The following NYAP2 variants were observed in gnomAD, a reference collection of about 807,000 sequenced individuals.
The protein encoded by NYAP2 is neuronal tyrosine-phosphorylated phosphoinositide-3-kinase adaptor 2.
In NYAP2, 23 loss-of-function variants were observed where a neutral mutation model predicts 50.4. The ratio of observed to expected loss-of-function variants is 0.46; its 90% CI spans 0.33 to 0.65. The LOEUF is 0.65. Among genes scored for constraint, NYAP2 ranks in the 30% least tolerant of loss-of-function variants. The pLI is 0.02. For missense variants in NYAP2, 885 were observed against 861.0 expected (o/e 1.03, Z -0.35); for synonymous variants, 394 against 365.2 (o/e 1.08, Z -0.90).
At chr2:225,444,701 A>G (rs545463412) in intron 3 of NYAP2, among the ~76,000 whole-genome samples, 2 of 152,236 alleles carry the variant, frequency 1.3e-5, no homozygotes, top group Admixed American at 1.3e-4. Context: ...CACTGAAGTC[A>G]TCATTGGCCA....
At chr2:225,645,154 A>C (rs1006091450) in intron 6 of NYAP2, among the ~76,000 whole-genome samples, 2 of 151,652 alleles carry the variant, frequency 1.3e-5, no homozygotes, top group African/African-American at 4.8e-5. Flanking sequence ...GCTACTCTGA[A>C]TGCTGAGGCA....
intron 6 of NYAP2, among the ~76,000 whole-genome samples, chr2:225,627,792 A>G (rs10180121): frequency 1.3e-4 from 20 of 152,346 alleles, no homozygotes; most frequent in Admixed American, 4.6e-4. Flanking sequence ...AAAACAGCAT[A>G]TGTTTGCTTT....
chr2:225,538,297 G>A (rs1399817653), intron 4 of NYAP2, among the ~76,000 whole-genome samples: 1 of 152,178 alleles, frequency 6.6e-6, no homozygotes, highest in African/African-American at 2.4e-5. Context: ...TCCTAGCAGA[G>A]GTTCTCCATG....
intron 4 of NYAP2, among the ~76,000 whole-genome samples, chr2:225,537,655 A>G (rs1412938082): frequency 1.3e-5 from 2 of 152,160 alleles, no homozygotes; most frequent in African/African-American, 4.8e-5. Flanking sequence ...GGGTGGGGAC[A>G]CAGCCAAACC....
At chr2:225,617,021 C>T (rs914201465) in intron 5 of NYAP2, among the ~76,000 whole-genome samples, 2 of 152,218 alleles carry the variant, frequency 1.3e-5, no homozygotes, top group African/African-American at 4.8e-5. Flanking sequence ...TGGAAGCATT[C>T]TTTATGTCCA....
chr2:225,447,964 G>A (rs1459272244), intron 3 of NYAP2, among the ~76,000 whole-genome samples: 2 of 152,150 alleles, frequency 1.3e-5, no homozygotes, highest in African/African-American at 4.8e-5. Context: ...AAAGAACTCA[G>A]GTGGGGATTC....
intron 3 of NYAP2, among the ~76,000 whole-genome samples, chr2:225,500,687 G>A (rs1367117825): frequency 2.0e-5 from 3 of 152,172 alleles, no homozygotes. Flanking sequence ...GAATGCTGTA[G>A]GTTTAAGACA....
chr2:225,451,701 A>G (rs1689656290), intron 3 of NYAP2, among the ~76,000 whole-genome samples: 1 of 152,206 alleles, frequency 6.6e-6, no homozygotes, highest in African/African-American at 2.4e-5. Context: ...TTTCTGTGGC[A>G]TTTCAGAAAT....
chr2:225,442,388 C>T (rs1329989832), intron 3 of NYAP2, among the ~76,000 whole-genome samples: 1 of 152,040 alleles, frequency 6.6e-6, no homozygotes, highest in African/African-American at 2.4e-5. Flanking sequence ...AGGCAAATCA[C>T]CAAATATCTT....
In NYAP2 at chr2:225,591,993, G is replaced by T. The variant is rs775057899; in HGVS notation, c.1618+8958G>T. 5.3e-5 allele frequency among the ~76,000 whole-genome samples: 8 copies of T among 152,138 alleles called. 1 individual carries two copies. Among genetic ancestry groups the T allele is most frequent in the Non-Finnish European group, 7.4e-5 (5 of 68,026 alleles). ...ACTCTGTACCCCAGGTTTCTGAGCTGCCCCTGAAGGCATGTGGTCTGCTGC... is the reference window on the plus strand; with the variant it reads ...ACTCTGTACCCCAGGTTTCTGAGCTTCCCCTGAAGGCATGTGGTCTGCTGC... On this transcript the variant is annotated intron_variant, in intron 5 of 6. Transcript: ENST00000636099.
chr2:225,632,897 T>C lies in NYAP2; in HGVS notation c.1828+5771T>C, dbSNP rs139438733. Among the ~76,000 whole-genome samples, 626 of 152,298 alleles carry C rather than the reference T, an allele frequency of 4.1e-3. 8 individuals are homozygous for C. Among genetic ancestry groups the C allele is most frequent in the African/African-American group, 0.014 (601 of 41,564 alleles). On this transcript the variant is annotated intron_variant, in intron 6 of 6. Coordinates refer to ENST00000636099, the Ensembl canonical transcript of NYAP2. Reference sequence around the variant, plus strand: ...ATGTTTCTTTATGACACAGAACTATTGAACACAAATTAATTAGGTTATAAT... The same window carrying C: ...ATGTTTCTTTATGACACAGAACTATCGAACACAAATTAATTAGGTTATAAT...
chr2:225,570,970 A>T lies in NYAP2; in HGVS notation c.524-10971A>T, dbSNP rs552891508. Among the ~76,000 whole-genome samples the T allele has an allele frequency of 2.6e-5, 4 of 152,360 alleles. No individual in the cohort carries two copies. In the South Asian group the frequency reaches 8.3e-4, roughly 32 times the overall value. On this transcript the variant is annotated intron_variant, in intron 4 of 6. Transcript: ENST00000636099. ...GGTAAATATGCATGTTCCAAACAAG[A>T]TGAATTAGTCAAAACAAAGGGGCTA...
At chr2:225,659,354 T>C in the NYAP2 span, among the ~76,000 whole-genome samples, 1 of 152,190 alleles carries the variant, frequency 6.6e-6, no homozygotes, top group Admixed American at 6.5e-5. Context: ...ATAATGAACA[T>C]GATGTGCCAT....
intron 4 of NYAP2, among the ~76,000 whole-genome samples, chr2:225,534,864 C>T (rs1348529475): frequency 6.6e-6 from 1 of 152,170 alleles, no homozygotes; most frequent in African/African-American, 2.4e-5. Flanking sequence ...AGCCTCTGGC[C>T]CAGGGCTAAG....
intron 3 of NYAP2, among the ~76,000 whole-genome samples, chr2:225,427,764 G>A (rs1238989535): frequency 6.6e-6 from 1 of 152,114 alleles, no homozygotes; most frequent in African/African-American, 2.4e-5. Context: ...AAAATTAAAA[G>A]TGAGCCAAAT....
intron 3 of NYAP2, among the ~76,000 whole-genome samples, chr2:225,498,710 T>A (rs1690549766): frequency 6.6e-6 from 1 of 152,070 alleles, no homozygotes; most frequent in Admixed American, 6.6e-5. Flanking sequence ...AGGGAATAGA[T>A]GTGAAATCTA....
intron 4 of NYAP2, among the ~76,000 whole-genome samples, chr2:225,563,544 C>T (rs1174582176): frequency 6.6e-6 from 1 of 151,978 alleles, no homozygotes; most frequent in African/African-American, 2.4e-5. Context: ...TATGGGAGAA[C>T]ATTGGAGGGG....
At chr2:225,628,304 G>A (rs1049376282) in intron 6 of NYAP2, among the ~76,000 whole-genome samples, 4 of 149,024 alleles carry the variant, frequency 2.7e-5, no homozygotes, top group African/African-American at 9.8e-5. Flanking sequence ...AAGAAACATA[G>A]AGAACACATA....
chr2:225,582,735 G>C lies in NYAP2; in HGVS notation c.1318G>C (p.Val440Leu), dbSNP rs551391208. ...AAGTCACTCCACCTCTCCCTCCCCC[G>C]TCAGCATGGGGAGGTCCCTGACTCC... Residue 440 changes from valine (V) to leucine (L), a missense_variant, in exon 5 of 7, where the codon GTC becomes CTC. Transcript: ENST00000636099. The surrounding 1 kb of genome is among the most constrained non-coding windows in gnomAD (Gnocchi z 7.0). 20 of 1,610,558 alleles carry C rather than the reference G, an allele frequency of 1.2e-5. No individual in the cohort carries two copies. In the African/African-American group the frequency reaches 2.4e-4, roughly 19 times the overall value.
Sources: allele counts gnomAD v4.1 joint callset (sites outside exome capture counted in the v4.1 genomes callset), GRCh38; gene constraint gnomAD v4.1.1; non-coding constraint Gnocchi (gnomAD v3.1); transcripts MANE v1.5; gene names NCBI Gene and HGNC (gene_info 2026-07-23, HGNC 2026-07-21).